The following WWP2 variants were observed in gnomAD, a reference collection of about 807,000 sequenced individuals.
WWP2 encodes WW domain containing E3 ubiquitin protein ligase 2.
In WWP2, 57 loss-of-function variants were observed where a neutral mutation model predicts 121.0. The observed-to-expected ratio is 0.47, with a 90% CI of 0.38 to 0.59. The LOEUF (loss-of-function observed/expected upper bound fraction) is 0.59, where lower values mean the gene tolerates loss of function less well. Ranked by LOEUF, WWP2 falls within the 20% of genes least tolerant of loss-of-function variation. The pLI, the probability that WWP2 is intolerant of heterozygous loss-of-function variation, is 0.00. For missense variants in WWP2, 962 were observed against 1,158.9 expected, an observed-to-expected ratio of 0.83 and a Z score of 2.47; for synonymous variants, 449 against 441.3, an observed-to-expected ratio of 1.02 and a Z score of -0.22.
In WWP2 at chr16:69,842,206, A is replaced by G. The variant is rs868446486; in HGVS notation, c.575+86A>G. On this transcript the variant is annotated intron_variant, in intron 6 of 23. Coordinates refer to ENST00000359154, the MANE Select transcript of WWP2 (RefSeq NM_001270454.2). ...GTTGGGACATGGCGGGGAACATTTT[A>G]TGGTAGAAACTGTTGGAGATTTCCA... is the stretch of plus-strand genomic sequence containing the variant. The G allele has an allele frequency of 9.6e-5, 127 of 1,317,422 alleles. 1 individual carries two copies. The Middle Eastern group carries it at 4.9e-3, about 51-fold the overall frequency. The allele number at this position is 1,317,422 out of a possible 1,614,324, so 81.6% of individuals were successfully genotyped here.
At chr16:69,806,396 C>T (rs927240963) in intron 4 of WWP2, among the ~76,000 whole-genome samples, 5 of 152,072 alleles carry the variant, frequency 3.3e-5, no homozygotes, top group African/African-American at 1.2e-4. Context: ...CTATTTTTGT[C>T]AGCTTTGGAA....
intron 4 of WWP2, among the ~76,000 whole-genome samples, chr16:69,824,997 C>T (rs2056659735): frequency 6.6e-6 from 1 of 152,020 alleles, no homozygotes; most frequent in Non-Finnish European, 1.5e-5. Context: ...TCTCGAACTC[C>T]TGAGCTCAGG....
intron 6 of WWP2, among the ~76,000 whole-genome samples, chr16:69,844,349 T>C (rs1256986861): frequency 1.3e-5 from 2 of 152,228 alleles, no homozygotes; most frequent in Non-Finnish European, 2.9e-5. Flanking sequence ...TTCACTCTTT[T>C]AGAGAGGAAG....
At chr16:69,773,301 C>T (rs911748940) in intron 1 of WWP2, among the ~76,000 whole-genome samples, 1 of 152,130 alleles carries the variant, frequency 6.6e-6, no homozygotes, top group East Asian at 1.9e-4. Context: ...GCCTCAGCCT[C>T]CCAAGTAGCT....
intron 2 of WWP2, among the ~76,000 whole-genome samples, chr16:69,792,500 A>G (rs1415016442): frequency 6.6e-6 from 1 of 152,204 alleles, no homozygotes; most frequent in African/African-American, 2.4e-5. Flanking sequence ...AAACTTGCTC[A>G]TATCTTTATT....
intron 8 of WWP2, among the ~76,000 whole-genome samples, chr16:69,908,016 G>A (rs1051051780): frequency 6.6e-6 from 1 of 152,190 alleles, no homozygotes; most frequent in African/African-American, 2.4e-5. Flanking sequence ...CAAGGTGGGT[G>A]GGTCGCTTGA....
intron 7 of WWP2, among the ~76,000 whole-genome samples, chr16:69,885,497 T>C (rs74029735): frequency 0.017 from 2,613 of 152,334 alleles, 77 homozygotes; most frequent in African/African-American, 0.059. Context: ...CTTACCTGTT[T>C]GTTAAGATCT....
intron 4 of WWP2, among the ~76,000 whole-genome samples, chr16:69,802,663 C>T (rs2056194397): frequency 6.6e-6 from 1 of 150,912 alleles, no homozygotes; most frequent in Non-Finnish European, 1.5e-5. Context: ...TGCAGTGGCG[C>T]GATCTCGGCT....
intron 4 of WWP2, among the ~76,000 whole-genome samples, chr16:69,801,599 A>C (rs2056168415): frequency 6.6e-6 from 1 of 151,702 alleles, no homozygotes; most frequent in African/African-American, 2.4e-5. Context: ...TGTAGTGGCT[A>C]TTTATAGGCA....
rs530304893 is a variant in WWP2 at position 69,824,693 on chromosome 16, G to A, written c.341-15433G>A. Among the ~76,000 whole-genome samples, 637 of 149,220 alleles carry A rather than the reference G, an allele frequency of 4.3e-3. 3 individuals carry two copies. The highest frequency in any genetic ancestry group is 7.0e-3 in the Middle Eastern group (2 of 286). On this transcript the variant is annotated intron_variant, in intron 4 of 23. Transcript: ENST00000359154. ...GAGTGCATCTGTATATATTTGAAAAGATTCATAGATTACAAGTGAAAAATC... is the reference window on the plus strand; with the variant it reads ...GAGTGCATCTGTATATATTTGAAAAAATTCATAGATTACAAGTGAAAAATC...
intron 6 of WWP2, among the ~76,000 whole-genome samples, chr16:69,857,846 G>A (rs969719603): frequency 6.6e-6 from 1 of 151,236 alleles, no homozygotes; most frequent in Non-Finnish European, 1.5e-5. Context: ...ATTTTTTTTT[G>A]TAGTGACAGT....
rs113797383 is a variant in WWP2, at chr16:69,871,905, G to A, written c.677G>A (p.Gly226Asp). The A allele has an allele frequency of 2.9e-4, 466 of 1,614,002 alleles. 4 individuals are homozygous for A. In the African/African-American group the frequency reaches 4.7e-3, roughly 16 times the overall value. The part of the protein sequence containing the change: ...SRHRQPVKNS[G>D]HSGLANGTVN... ...CACCGCCAGCCCGTCAAGAACTCAG[G>A]CCACAGTGGCTTGGCCAATGGCACA... is the stretch of plus-strand genomic sequence containing the variant. Residue 226 changes from glycine to aspartate, a missense_variant, in exon 7 of 24, where the codon GGC (glycine) becomes GAC (aspartate). Transcript: ENST00000359154.
At chr16:69,913,284 C>T (rs758996419) in intron 9 of WWP2, among the ~76,000 whole-genome samples, 1 of 151,518 alleles carries the variant, frequency 6.6e-6, no homozygotes, top group African/African-American at 2.4e-5. Flanking sequence ...CCACCCACCT[C>T]GGCCTCCCAA....
chr16:69,864,901 C>T (rs1049616915), intron 6 of WWP2, among the ~76,000 whole-genome samples: 2 of 152,114 alleles, frequency 1.3e-5, no homozygotes, highest in Non-Finnish European at 2.9e-5. Flanking sequence ...CGTGAGCCAC[C>T]ACGTCCAGCC....
chr16:69,930,672 T>C (rs1430235790), intron 13 of WWP2, among the ~76,000 whole-genome samples: 1 of 152,064 alleles, frequency 6.6e-6, no homozygotes, highest in African/African-American at 2.4e-5. Flanking sequence ...GCACTCCAGC[T>C]CAGGTGACAG....
At chr16:69,936,498 A>G in intron 19 of WWP2, 46 bp downstream of exon 19, 1 of 1,609,648 alleles carries the variant, frequency 6.2e-7, no homozygotes. Context: ...TGGCGTGGAG[A>G]TCTAGTGGGT....
rs147929112 is a variant in WWP2 at position 69,888,235 on chromosome 16, C to T, written c.900C>T (p.Asp300=). 56 of 1,614,028 alleles carry T rather than the reference C, an allele frequency of 3.5e-5. 1 individual carries two copies. The Admixed American group carries it at 5.8e-4, about 17-fold the overall frequency. The change falls in exon 8 of 24, where the codon GAC becomes GAT. Residue 300 remains aspartate, a synonymous_variant. Transcript: ENST00000359154. ...TCCCAGCGGCTGCCCAGGCCCCCGACGCTCTGCCTGCTGGGTGAGTAGTCT... is the reference window on the plus strand; with the variant it reads ...TCCCAGCGGCTGCCCAGGCCCCCGATGCTCTGCCTGCTGGGTGAGTAGTCT... The part of the protein sequence containing the change: ...QQLPAAAQAP[D]ALPAGWEQRE...
In WWP2 at chr16:69,929,473, G is replaced by C; in HGVS notation, c.1260G>C (p.Val420=). The C allele has an allele frequency of 6.2e-7, 1 of 1,614,136 alleles. No individual in the cohort carries two copies. The highest frequency in any genetic ancestry group is 8.5e-7 in the Non-Finnish European group (1 of 1,179,994). ...GWEKRQDNGR[V]YYVNHNTRTT... ...AGAAGAGACAGGACAATGGACGGGT[G>C]TATTACGTGAACCATAACACTCGCA... Residue 420 remains valine, a synonymous_variant, in exon 12 of 24, where the codon GTG becomes GTC. Coordinates refer to ENST00000359154, the MANE Select transcript of WWP2 (RefSeq NM_001270454.2).
Position 69,916,562 on chromosome 16 carries a change from C to T in WWP2, c.1005-1147C>T, listed in dbSNP as rs1021423574. Among the ~76,000 whole-genome samples the T allele has an allele frequency of 6.6e-5, 10 of 151,986 alleles. No homozygotes were observed. In the South Asian group the frequency reaches 8.3e-4, roughly 13 times the overall value. ...AGGGGTGAGGTGATACAGATCTGGA[C>T]ATAGGAATGGAAAATGGAAAGTCAG... On this transcript the variant is annotated intron_variant, in intron 9 of 23. Transcript: ENST00000359154.
Sources: allele counts gnomAD v4.1 joint callset (sites outside exome capture counted in the v4.1 genomes callset), GRCh38; gene constraint gnomAD v4.1.1; transcripts MANE v1.5; gene names NCBI Gene and HGNC (gene_info 2026-07-23, HGNC 2026-07-21).